MLXIP: variants seen among roughly 807,000 people sequenced by gnomAD.
MLXIP encodes MLX interacting protein.
A neutral mutation model predicts 87.2 loss-of-function variants in MLXIP; 30 were observed. That is an observed-to-expected ratio of 0.34 (90% CI 0.26 to 0.47). The LOEUF (loss-of-function observed/expected upper bound fraction) is 0.47. MLXIP is among the 20% of genes least tolerant of loss of function. The pLI, the probability that MLXIP is intolerant of heterozygous loss-of-function variation, is 1.00. For synonymous variants in MLXIP, 530 were observed against 514.0 expected (o/e 1.03, Z -0.42); for missense variants, 1,002 against 1,240.1 (o/e 0.81, Z 2.88).
intron 9 of MLXIP, chr12:122,134,819 C>A: frequency 3.9e-6 from 1 of 257,454 alleles, no homozygotes; most frequent in Non-Finnish European, 7.7e-6. Flanking sequence ...AGATTACAGG[C>A]ATGTGCCACC....
chr12:122,135,361 G>C lies in MLXIP; in HGVS notation c.1854+16G>C. On this transcript the variant is annotated intron_variant, in intron 10 of 16. Transcript: ENST00000319080. The surrounding 1 kb of genome is among the most constrained non-coding windows in gnomAD (Gnocchi z 5.3). ...CATCGCCAGGGTGAGGAGGGCCCTA[G>C]GCAGACCTGCAGTGTCCTTCTCACC... 1 of 1,609,790 alleles carries C rather than the reference G, an allele frequency of 6.2e-7. No homozygotes were observed. Among genetic ancestry groups the C allele is most frequent in the Non-Finnish European group, 8.5e-7 (1 of 1,177,662 alleles).
chr12:122,123,517 C>T (rs11057403), intron 1 of MLXIP, among the ~76,000 whole-genome samples: 32,532 of 152,066 alleles, frequency 0.21, 3,611 homozygotes, highest in East Asian at 0.3. Context: ...TTTCAGCTCA[C>T]GGAGAGGAAG....
chr12:122,080,511 G>A (rs1156525065), intron 1 of MLXIP, among the ~76,000 whole-genome samples: 3 of 152,078 alleles, frequency 2.0e-5, no homozygotes, highest in Non-Finnish European at 4.4e-5. Context: ...CCCCCTCACC[G>A]CCGCGGTCCC....
At chr12:122,129,534 T>G in intron 4 of MLXIP, 54 bp from the exon 5 acceptor site, 1 of 1,597,970 alleles carries the variant, frequency 6.3e-7, no homozygotes, top group Non-Finnish European at 8.5e-7. Flanking sequence ...TCTAGAGCCC[T>G]TGGGCCCTCC....
intron 1 of MLXIP, among the ~76,000 whole-genome samples, chr12:122,105,436 C>T (rs769730742): frequency 3.3e-5 from 5 of 151,928 alleles, no homozygotes; most frequent in Non-Finnish European, 5.9e-5. Context: ...CAACTTCTGC[C>T]TCCCAGGATC....
intron 1 of MLXIP, among the ~76,000 whole-genome samples, chr12:122,080,853 C>G (rs560229541): frequency 2.0e-5 from 3 of 152,150 alleles, no homozygotes; most frequent in African/African-American, 2.4e-5. Flanking sequence ...AAACAAAGCT[C>G]GAGGTGAAAG....
intron 1 of MLXIP, among the ~76,000 whole-genome samples, chr12:122,082,421 A>T (rs1952105000): frequency 6.6e-6 from 1 of 152,226 alleles, no homozygotes; most frequent in Admixed American, 6.5e-5. Context: ...TCAATGGGAA[A>T]GATAAAATTT....
At chr12:122,111,940 A>T (rs1197984497) in intron 1 of MLXIP, among the ~76,000 whole-genome samples, 1 of 152,226 alleles carries the variant, frequency 6.6e-6, no homozygotes, top group Non-Finnish European at 1.5e-5. Context: ...CAATCAACAT[A>T]TTAAAATAGT....
At chr12:122,121,307 C>CTT (rs35967072) in intron 1 of MLXIP, among the ~76,000 whole-genome samples, 1,543 of 118,192 alleles carry the variant, frequency 0.013, 121 homozygotes, top group African/African-American at 0.036. Flanking sequence ...TGTGCCCAGC[C>CTT]TTTTTTTTTT....
At chr12:122,093,878 G>GGT (rs1175741918) in intron 1 of MLXIP, among the ~76,000 whole-genome samples, 2 of 140,994 alleles carry the variant, frequency 1.4e-5, no homozygotes, top group African/African-American at 5.3e-5. Flanking sequence ...GGGGTGTGTT[G>GGT]GTGTGTGTTG....
At chr12:122,108,094 A>AT (rs1952548906) in intron 1 of MLXIP, among the ~76,000 whole-genome samples, 1 of 152,042 alleles carries the variant, frequency 6.6e-6, no homozygotes, top group Non-Finnish European at 1.5e-5. Flanking sequence ...TCAGGGCCGA[A>AT]AGGGGTGGTT....
intron 1 of MLXIP, among the ~76,000 whole-genome samples, chr12:122,095,270 G>T (rs1952334976): frequency 6.6e-6 from 1 of 151,218 alleles, no homozygotes; most frequent in South Asian, 2.1e-4. Flanking sequence ...TGTGTGGTGT[G>T]TTGGTGTGTG....
In MLXIP at chr12:122,147,293, T is replaced by G. The variant is rs1297138210; in HGVS notation, c.*5481T>G. The G allele has an allele frequency of 6.6e-6, 1 of 152,238 alleles. No homozygotes were observed. 9.4% of individuals were successfully genotyped at this position (152,238 alleles called of 1,614,324 possible). ...TGTATTCAACACTACAATGCATTTT[T>G]TAAACTATATTTGCATCCAAGACAA... On this transcript the variant is annotated 3_prime_UTR_variant, in exon 17 of 17. Transcript: ENST00000319080.
At position 122,130,067 on chromosome 12, in the gene MLXIP, C is replaced by T; in HGVS notation, c.865C>T (p.Leu289Phe). 1.9e-6 allele frequency: 3 copies of T among 1,613,994 alleles called. No homozygotes were observed. Among genetic ancestry groups the T allele is most frequent in the Non-Finnish European group, 1.7e-6 (2 of 1,179,884 alleles). ...ATTCAGCGACACCCTCTTCTCCACA[C>T]TTTCTTCACACCAGCCGGTGGCCTG... is the stretch of plus-strand genomic sequence containing the variant. ...SEFSDTLFST[L>F]SSHQPVAWPN... The change falls in exon 6 of 17, where the codon CTT (leucine) becomes TTT (phenylalanine). Residue 289 changes from leucine (L) to phenylalanine (F), a missense_variant. By Grantham distance (22) the Leu-to-Phe change is conservative. This residue lies in a region of MLXIP where 746 missense variants were observed against 897.0 expected (regional missense o/e 0.83). Coordinates refer to ENST00000319080, the MANE Select transcript of MLXIP (RefSeq NM_014938.6).
rs909159235 is a variant in MLXIP at position 122,137,746 on chromosome 12, G to A, written c.2154+156G>A. 14 of 733,252 alleles carry A rather than the reference G, an allele frequency of 1.9e-5. No homozygotes were observed. Among genetic ancestry groups the A allele is most frequent in the East Asian group, 2.6e-4 (2 of 7,598 alleles). The allele number at this position is 733,252 out of a possible 1,614,324, so 45.4% of individuals were successfully genotyped here. A position where few individuals can be genotyped will look rare whatever the true frequency, so the allele number is the denominator to read the frequency against. On this transcript the variant is annotated intron_variant, in intron 12 of 16. Coordinates refer to ENST00000319080, the MANE Select transcript of MLXIP (RefSeq NM_014938.6). The surrounding 1 kb of genome is among the most constrained non-coding windows in gnomAD (Gnocchi z 4.1). ...TGGGCTTCTCCTTGCCCCATGCCACGAACCAGCCCTGTGGGGATGGTGGGC... is the reference window on the plus strand; with the variant it reads ...TGGGCTTCTCCTTGCCCCATGCCACAAACCAGCCCTGTGGGGATGGTGGGC...
Position 122,133,405 on chromosome 12 carries a change from G to A in MLXIP, c.1150G>A (p.Ala384Thr), listed in dbSNP as rs181583869. The A allele has an allele frequency of 2.5e-5, 40 of 1,603,932 alleles. No homozygotes were observed. Among genetic ancestry groups the A allele is most frequent in the Admixed American group, 1.7e-4 (10 of 59,290 alleles). The change falls in exon 9 of 17, where the codon GCG becomes ACG. Residue 384 changes from alanine to threonine, a missense_variant. Transcript: ENST00000319080. The surrounding 1 kb of genome is among the most constrained non-coding windows in gnomAD (Gnocchi z 4.9). ...PTVSLPDSLIAPPTAPSLAHM... is the reference protein window; with the variant it reads ...PTVSLPDSLITPPTAPSLAHM... Reference sequence around the variant, plus strand: ...TGTGAGCCTTCCTGACAGCCTCATCGCGCCCCCTACCGCCCCATCCCTGGC... The same window carrying A: ...TGTGAGCCTTCCTGACAGCCTCATCACGCCCCCTACCGCCCCATCCCTGGC...
At chr12:122,088,490 C>T (rs1159298963) in intron 1 of MLXIP, among the ~76,000 whole-genome samples, 7 of 152,166 alleles carry the variant, frequency 4.6e-5, no homozygotes, top group East Asian at 1.9e-4. Context: ...CCATGTCATC[C>T]GCCTTTAAGT....
chr12:122,078,988 C>T lies in MLXIP; in HGVS notation c.135C>T (p.Gly45=), dbSNP rs1952051865. 2 of 1,094,360 alleles carry T rather than the reference C, an allele frequency of 1.8e-6. No individual in the cohort carries two copies. The highest frequency in any genetic ancestry group is 3.3e-5 in the South Asian group (1 of 29,942). The allele number at this position is 1,094,360 out of a possible 1,614,324, so 67.8% of individuals were successfully genotyped here. A position where few individuals can be genotyped will look rare whatever the true frequency, so the allele number is the denominator to read the frequency against. ...TDEPSPPPAS[G]AATPARAHAS... ...AGCCGTCCCCGCCGCCCGCCTCCGG[C>T]GCGGCCACCCCGGCCCGGGCCCACG... Residue 45 remains glycine (G), a synonymous_variant, in exon 1 of 17, where the codon GGC becomes GGT. Coordinates refer to ENST00000319080, the MANE Select transcript of MLXIP (RefSeq NM_014938.6).
chr12:122,095,083 TTGTGTGTGGTGTGTTGGTATGTGTTGG>T (rs1952330413), intron 1 of MLXIP, among the ~76,000 whole-genome samples: 2 of 134,960 alleles, frequency 1.5e-5, no homozygotes, highest in African/African-American at 2.8e-5. Context: ...TTGGTGTATG[TTGTGTGTGGTGTGTTGGTATGTGTTGG>T]TGTGTGTGGG....
Sources: allele counts gnomAD v4.1 joint callset (sites outside exome capture counted in the v4.1 genomes callset), GRCh38; gene constraint gnomAD v4.1.1; regional missense constraint gnomAD v4.1.1; non-coding constraint Gnocchi (gnomAD v3.1); transcripts MANE v1.5; gene names NCBI Gene and HGNC (gene_info 2026-07-23, HGNC 2026-07-21).